PARD6B: variants seen among roughly 807,000 people sequenced by gnomAD.
PARD6B encodes the protein par-6 family cell polarity regulator beta, also known as partitioning defective 6 homolog beta.
PARD6B carries 4 observed loss-of-function variants against 10.5 expected under a neutral mutation model. The observed-to-expected ratio is 0.38, with a 90% CI of 0.19 to 0.87. The LOEUF (loss-of-function observed/expected upper bound fraction) is 0.87. Ranked by LOEUF, PARD6B falls within the 40% of genes least tolerant of loss-of-function variation. The pLI is 0.41. For missense variants in PARD6B, 396 were observed against 470.6 expected (o/e 0.84, Z 1.47); for synonymous variants, 169 against 170.4 (o/e 0.99, Z 0.07).
Position 50,751,261 on chromosome 20 carries a change from A to G in PARD6B, c.*773A>G, listed in dbSNP as rs2087606955. On this transcript the variant is annotated 3_prime_UTR_variant, in exon 3 of 3. Transcript: ENST00000371610. Reference sequence around the variant, plus strand: ...GGATTAGAGCCACCATGCCCAGCCTATTTTGATTTTTGTTTTTTTATGTTC... The same window carrying G: ...GGATTAGAGCCACCATGCCCAGCCTGTTTTGATTTTTGTTTTTTTATGTTC... 1 of 957,098 alleles carries G rather than the reference A, an allele frequency of 1.0e-6. No individual in the cohort carries two copies. Among genetic ancestry groups the G allele is most frequent in the Non-Finnish European group, 1.2e-6 (1 of 814,370 alleles). 59.3% of individuals were successfully genotyped at this position (957,098 alleles called of 1,614,324 possible).
Position 50,750,167 on chromosome 20 carries a change from T to G in PARD6B, c.798T>G (p.Gly266=). The G allele has an allele frequency of 6.2e-7, 1 of 1,614,240 alleles. No individual in the cohort carries two copies. Among genetic ancestry groups the G allele is most frequent in the Non-Finnish European group, 8.5e-7 (1 of 1,180,044 alleles). ...ACAGTCGGACTTCTGGCAGTTCCGG[T>G]CAGTCTACTGATAACAGCCTTCTTG... ...VRNSRTSGSS[G]QSTDNSLLGY... The change falls in exon 3 of 3, where the codon GGT becomes GGG. Residue 266 remains glycine (G), a synonymous_variant. Transcript: ENST00000371610.
chr20:50,742,469 G>T (rs868738814), intron 2 of PARD6B, among the ~76,000 whole-genome samples: 3 of 151,928 alleles, frequency 2.0e-5, no homozygotes, highest in African/African-American at 7.2e-5. Context: ...GGGCTCAAGC[G>T]ATTCTCCTGC....
At chr20:50,736,931 C>T (rs1473836057) in intron 1 of PARD6B, among the ~76,000 whole-genome samples, 1 of 152,172 alleles carries the variant, frequency 6.6e-6, no homozygotes, top group Non-Finnish European at 1.5e-5. Context: ...AACTCCTGAC[C>T]TTGTGATCCT....
rs778519870 is a variant in PARD6B at position 50,750,041 on chromosome 20, A to G, written c.672A>G (p.Ser224=). ...TAGAAGTTAATGGCATAGAAGTTTC[A>G]GGGAAGAGCCTTGATCAAGTAACAG... ...EVLEVNGIEV[S]GKSLDQVTDM... The change falls in exon 3 of 3, where the codon TCA becomes TCG. Residue 224 remains serine, a synonymous_variant. Coordinates refer to ENST00000371610, the MANE Select transcript of PARD6B (RefSeq NM_032521.3). 11 of 1,614,244 alleles carry G rather than the reference A, an allele frequency of 6.8e-6. No individual in the cohort carries two copies. In the Admixed American group the frequency reaches 1.8e-4, roughly 27 times the overall value.
intron 1 of PARD6B, among the ~76,000 whole-genome samples, chr20:50,734,924 C>T (rs1045557899): frequency 4.6e-5 from 7 of 152,090 alleles, no homozygotes; most frequent in East Asian, 3.9e-4. Flanking sequence ...GCAAGGTGGG[C>T]GGATCACCTG....
chr20:50,731,971 G>A (rs2087473708), intron 1 of PARD6B, 119 bp downstream of exon 1: 2 of 828,304 alleles, frequency 2.4e-6, no homozygotes, highest in Non-Finnish European at 3.3e-6. Flanking sequence ...GGGTCTGGAC[G>A]GTGCGGTCGG....
At chr20:50,747,490 T>A in intron 2 of PARD6B, among the ~76,000 whole-genome samples, 2 of 43,000 alleles carry the variant, frequency 4.7e-5, no homozygotes, top group East Asian at 1.1e-3. Context: ...TCTTTCTTTC[T>A]TTTTTTTTTT....
rs1485510864 is a variant in PARD6B, at chr20:50,751,911, T to G, written c.*1423T>G. On this transcript the variant is annotated 3_prime_UTR_variant, in exon 3 of 3. Coordinates refer to ENST00000371610, the MANE Select transcript of PARD6B (RefSeq NM_032521.3). Reference sequence around the variant, plus strand: ...TAGAGATGGAGTTTCACCATGTTGGTCAGGTGGGTCTCAAACTCCTGACCT... The same window carrying G: ...TAGAGATGGAGTTTCACCATGTTGGGCAGGTGGGTCTCAAACTCCTGACCT... 1 of 894,462 alleles carries G rather than the reference T, an allele frequency of 1.1e-6. No individual in the cohort carries two copies. Among genetic ancestry groups the G allele is most frequent in the East Asian group, 1.2e-4 (1 of 8,320 alleles). The allele number at this position is 894,462 out of a possible 1,614,324, so 55.4% of individuals were successfully genotyped here.
Position 50,749,968 on chromosome 20 carries a change from G to C in PARD6B, c.599G>C (p.Gly200Ala), listed in dbSNP as rs2087590879. 6.2e-7 allele frequency: 1 copy of C among 1,614,072 alleles called. No homozygotes were observed. ...ATCTTTATATCCAGGCTTGTCCCAG[G>C]AGGTCTGGCTCAAAGTACAGGACTA... ...PGIFISRLVP[G>A]GLAQSTGLLA... is the part of the protein sequence containing the mutation. Residue 200 changes from glycine to alanine, a missense_variant, in exon 3 of 3, where the codon GGA becomes GCA. Gly to Ala is a moderately conservative substitution (Grantham distance 60). Coordinates refer to ENST00000371610, the MANE Select transcript of PARD6B (RefSeq NM_032521.3).
chr20:50,733,373 A>G (rs370629772), intron 1 of PARD6B, among the ~76,000 whole-genome samples: 230 of 152,340 alleles, frequency 1.5e-3, no homozygotes, highest in African/African-American at 5.4e-3. Flanking sequence ...GCAGTGAGCC[A>G]AGTTTGCACC....
chr20:50,744,432 T>TCCTCCC (rs1467154409), intron 2 of PARD6B, among the ~76,000 whole-genome samples: 1 of 152,120 alleles, frequency 6.6e-6, no homozygotes. Flanking sequence ...TAGCTTCTTG[T>TCCTCCC]CCTCCCCCTC....
intron 1 of PARD6B, among the ~76,000 whole-genome samples, 153 bp downstream of exon 1, chr20:50,732,005 C>G (rs2123696932): frequency 6.7e-6 from 1 of 149,390 alleles, no homozygotes; most frequent in Non-Finnish European, 1.5e-5. Context: ...ATAAACTTGC[C>G]GAGGAGGGGG....
At position 50,748,090 on chromosome 20, in the gene PARD6B, G is replaced by A. The variant is rs376721842; in HGVS notation, c.290-1569G>A. ...GAGGTGGCTCACACCTGTAATCCCA[G>A]CACTTTGGGAAGCTGAGGCAGGTGG... On this transcript the variant is annotated intron_variant, in intron 2 of 2. Coordinates refer to ENST00000371610, the MANE Select transcript of PARD6B (RefSeq NM_032521.3). 1.3e-4 allele frequency among the ~76,000 whole-genome samples: 20 copies of A among 152,340 alleles called. No individual in the cohort carries two copies. The South Asian group carries it at 2.3e-3, about 17-fold the overall frequency.
At chr20:50,744,509 G>A (rs2087554077) in intron 2 of PARD6B, among the ~76,000 whole-genome samples, 1 of 152,130 alleles carries the variant, frequency 6.6e-6, no homozygotes, top group African/African-American at 2.4e-5. Flanking sequence ...CACTATCACT[G>A]TCTTCCCTTA....
chr20:50,734,181 TGC>T (rs1298129247), intron 1 of PARD6B, among the ~76,000 whole-genome samples: 1 of 152,230 alleles, frequency 6.6e-6, no homozygotes, highest in Non-Finnish European at 1.5e-5. Flanking sequence ...AAATATATAT[TGC>T]TGATACATTT....
chr20:50,737,441 G>T (rs2087505634), intron 1 of PARD6B, among the ~76,000 whole-genome samples: 2 of 152,084 alleles, frequency 1.3e-5, no homozygotes, highest in African/African-American at 4.8e-5. Context: ...CCATTTATGG[G>T]GGAGGACACT....
intron 2 of PARD6B, among the ~76,000 whole-genome samples, chr20:50,738,813 C>CT: frequency 6.6e-6 from 1 of 152,092 alleles, no homozygotes; most frequent in Non-Finnish European, 1.5e-5. Flanking sequence ...TTCTTTCTTT[C>CT]TTTTTTTGTA....
chr20:50,751,716 G>A lies in PARD6B; in HGVS notation c.*1228G>A, dbSNP rs7260805. Reference sequence around the variant, plus strand: ...GAGTTACTTCCCATGTTATAAAGCTGAGGAAGCTTTTTTTTTTTTTTTTTG... The same window carrying A: ...GAGTTACTTCCCATGTTATAAAGCTAAGGAAGCTTTTTTTTTTTTTTTTTG... On this transcript the variant is annotated 3_prime_UTR_variant, in exon 3 of 3. Transcript: ENST00000371610. 3.8e-3 allele frequency: 3,519 copies of A among 934,436 alleles called. 76 individuals are homozygous for A. The African/African-American group carries it at 0.049, about 13-fold the overall frequency. The allele number at this position is 934,436 out of a possible 1,614,324, so 57.9% of individuals were successfully genotyped here.
chr20:50,747,954 A>G (rs565163756), intron 2 of PARD6B, among the ~76,000 whole-genome samples: 3 of 152,336 alleles, frequency 2.0e-5, no homozygotes, highest in African/African-American at 7.2e-5. Context: ...CACTGAGGAC[A>G]AAATACCATT....
Sources: gnomAD v4.1 joint callset for allele counts (sites outside exome capture counted in the v4.1 genomes callset) on GRCh38, gnomAD v4.1.1 for gene constraint, MANE v1.5 for transcripts, NCBI Gene and HGNC (gene_info 2026-07-23, HGNC 2026-07-21) for gene names.